IMMP2L: variants seen among roughly 807,000 people sequenced by gnomAD.
The protein encoded by IMMP2L is mitochondrial inner membrane protease subunit 2.
In IMMP2L, 18 loss-of-function variants were observed where a neutral mutation model predicts 19.3. That is an observed-to-expected ratio of 0.93 (90% CI 0.64 to 1.38). The LOEUF is 1.38. IMMP2L is among the 40% of genes most tolerant of loss of function. The pLI is 0.00. For missense variants in IMMP2L, 233 were observed against 218.2 expected (o/e 1.07, Z -0.43); for synonymous variants, 76 against 73.0 (o/e 1.04, Z -0.21).
At position 110,998,218 on chromosome 7, in the gene IMMP2L, G is replaced by A. The variant is rs1372688030; in HGVS notation, c.240-34653C>T. ...TCTACTTCTCAAACCCAGTTGTTCCGAATGCCTACAAAAAGCATGAATTTT... is the reference window on the plus strand; with the variant it reads ...TCTACTTCTCAAACCCAGTTGTTCCAAATGCCTACAAAAAGCATGAATTTT... On this transcript the variant is annotated intron_variant, in intron 3 of 5. Transcript: ENST00000405709. Among the ~76,000 whole-genome samples, 5 of 152,036 alleles carry A rather than the reference G, an allele frequency of 3.3e-5. 1 individual carries two copies. The South Asian group carries it at 8.3e-4, about 25-fold the overall frequency.
chr7:111,186,259 G>A (rs573650638), intron 3 of IMMP2L, among the ~76,000 whole-genome samples: 53 of 117,062 alleles, frequency 4.5e-4, no homozygotes, highest in African/African-American at 1.5e-3. Context: ...GACAGACAGT[G>A]ACACCAATGT....
At position 111,314,755 on chromosome 7, in the gene IMMP2L, A is replaced by G. The variant is rs190962495; in HGVS notation, c.239+172483T>C. 4.8e-4 allele frequency among the ~76,000 whole-genome samples: 73 copies of G among 152,278 alleles called. No homozygotes were observed. The East Asian group carries it at 0.011, about 22-fold the overall frequency. Reference sequence around the variant, plus strand: ...AACTATTAATATGTTTTCAATGTCCATTTTAATAACTGTGTTTTCTACAAG... The same window carrying G: ...AACTATTAATATGTTTTCAATGTCCGTTTTAATAACTGTGTTTTCTACAAG... On this transcript the variant is annotated intron_variant, in intron 3 of 5. Coordinates refer to ENST00000405709, the MANE Select transcript of IMMP2L (RefSeq NM_032549.4).
At chr7:110,953,936 C>G (rs574970388) in intron 4 of IMMP2L, among the ~76,000 whole-genome samples, 11 of 152,042 alleles carry the variant, frequency 7.2e-5, no homozygotes, top group South Asian at 2.1e-4. Flanking sequence ...GAGCTTTTTT[C>G]ACATGTTTGT....
At chr7:111,235,396 G>T (rs905783892) in intron 3 of IMMP2L, among the ~76,000 whole-genome samples, 2 of 151,806 alleles carry the variant, frequency 1.3e-5, no homozygotes, top group South Asian at 2.1e-4. Context: ...GCTTGAACTT[G>T]GGAAGTGGAG....
At chr7:111,476,844 T>C (rs1841770080) in intron 3 of IMMP2L, among the ~76,000 whole-genome samples, 1 of 152,160 alleles carries the variant, frequency 6.6e-6, no homozygotes, top group Admixed American at 6.5e-5. Context: ...CCCTAACTAC[T>C]ACTTCTGCCT....
intron 5 of IMMP2L, among the ~76,000 whole-genome samples, chr7:110,843,099 C>A (rs1295012680): frequency 6.7e-6 from 1 of 149,048 alleles, no homozygotes; most frequent in African/African-American, 2.5e-5. Context: ...AAAACTCAAT[C>A]TTTATGAGGA....
intron 3 of IMMP2L, among the ~76,000 whole-genome samples, chr7:111,033,033 T>A (rs890674435): frequency 1.3e-5 from 2 of 152,198 alleles, no homozygotes; most frequent in East Asian, 3.9e-4. Context: ...GTCATGAGAA[T>A]CACTTGAACC....
At chr7:110,703,131 A>C (rs1319195255) in intron 5 of IMMP2L, among the ~76,000 whole-genome samples, 3 of 152,136 alleles carry the variant, frequency 2.0e-5, no homozygotes, top group African/African-American at 7.2e-5. Context: ...CAGTTTTCTC[A>C]GAATTTTTAT....
intron 3 of IMMP2L, among the ~76,000 whole-genome samples, chr7:111,020,868 T>G (rs1328386107): frequency 6.6e-6 from 1 of 152,224 alleles, no homozygotes; most frequent in African/African-American, 2.4e-5. Context: ...TTCTGTCAGT[T>G]TTTGTTTCAA....
chr7:111,366,162 C>T (rs1028231037), intron 3 of IMMP2L, among the ~76,000 whole-genome samples: 7 of 151,708 alleles, frequency 4.6e-5, no homozygotes, highest in Non-Finnish European at 7.4e-5. Flanking sequence ...TAAGTAGTAA[C>T]TAAAAAATAG....
intron 3 of IMMP2L, among the ~76,000 whole-genome samples, chr7:111,014,623 A>G (rs930959415): frequency 6.6e-6 from 1 of 152,166 alleles, no homozygotes; most frequent in Admixed American, 6.5e-5. Context: ...CAAAGGACAC[A>G]GTCAACAGAG....
rs186555424 is a variant in IMMP2L, at chr7:110,781,862, G to C, written c.408+104731C>G. On this transcript the variant is annotated intron_variant, in intron 5 of 5. Coordinates refer to ENST00000405709, the MANE Select transcript of IMMP2L (RefSeq NM_032549.4). Reference sequence around the variant, plus strand: ...AGTTTCATTATAATTATATGTCTAAGGTGATATGCTATACAGCTCTTAAAC... The same window carrying C: ...AGTTTCATTATAATTATATGTCTAACGTGATATGCTATACAGCTCTTAAAC... Among the ~76,000 whole-genome samples, 303 of 151,970 alleles carry C rather than the reference G, an allele frequency of 2.0e-3. 2 individuals are homozygous for C. Among genetic ancestry groups the C allele is most frequent in the African/African-American group, 6.6e-3 (273 of 41,510 alleles).
chr7:111,483,523 AAC>A (rs1329518540), intron 3 of IMMP2L: 1 of 152,172 alleles, frequency 6.6e-6, no homozygotes, highest in Non-Finnish European at 1.5e-5. Flanking sequence ...GCTACTGAAT[AAC>A]ATACTTAAAC....
rs61753887 is a variant in IMMP2L at position 111,411,876 on chromosome 7, T to C, written c.239+75362A>G. 409 of 202,064 alleles carry C rather than the reference T, an allele frequency of 2.0e-3. 13 individuals are homozygous for C. The highest frequency in any genetic ancestry group is 8.8e-3 in the African/African-American group (378 of 42,724). The allele number at this position is 202,064 out of a possible 1,614,324, so 12.5% of individuals were successfully genotyped here. A position where few individuals can be genotyped will look rare whatever the true frequency, so the allele number is the denominator to read the frequency against. ...CATTATTTCCAGAGTAAGGTCACTG[T>C]CAAATAGACCCATGTACAATGGAGA... On this transcript the variant is annotated intron_variant, in intron 3 of 5. Transcript: ENST00000405709.
chr7:111,025,511 G>A (rs1826715247), intron 3 of IMMP2L, among the ~76,000 whole-genome samples: 1 of 152,240 alleles, frequency 6.6e-6, no homozygotes, highest in African/African-American at 2.4e-5. Flanking sequence ...AAATAAAACA[G>A]GTTGCGCCTA....
intron 5 of IMMP2L, among the ~76,000 whole-genome samples, chr7:110,796,086 C>T (rs1210102367): frequency 6.6e-6 from 1 of 152,048 alleles, no homozygotes; most frequent in South Asian, 2.1e-4. Flanking sequence ...TCCCCTTTCA[C>T]TCTCATTTCT....
chr7:111,122,969 G>T (rs1486941739), intron 3 of IMMP2L: 3 of 1,614,036 alleles, frequency 1.9e-6, no homozygotes, highest in African/African-American at 1.3e-5. Flanking sequence ...TTCCCAGCCA[G>T]ATTGCCAGCT....
At chr7:110,732,792 C>CT (rs1251223681) in intron 5 of IMMP2L, among the ~76,000 whole-genome samples, 3,732 of 140,920 alleles carry the variant, frequency 0.026, 73 homozygotes, top group African/African-American at 0.053. Flanking sequence ...CAATGAATTT[C>CT]TTTTTTTTTT....
chr7:111,503,453 C>A (rs1382275929), intron 2 of IMMP2L, among the ~76,000 whole-genome samples: 1 of 152,106 alleles, frequency 6.6e-6, no homozygotes, highest in Non-Finnish European at 1.5e-5. Flanking sequence ...AGAGGGAATC[C>A]TCCCTAACTC....
Sources: allele counts gnomAD v4.1 joint callset (sites outside exome capture counted in the v4.1 genomes callset), GRCh38; gene constraint gnomAD v4.1.1; transcripts MANE v1.5; gene names NCBI Gene and HGNC (gene_info 2026-07-23, HGNC 2026-07-21).